Variants in SERGEF observed in about 807,000 individuals in gnomAD.
SERGEF encodes secretion-regulating guanine nucleotide exchange factor.
In SERGEF, 51 loss-of-function variants were observed where a neutral mutation model predicts 50.0. That is an observed-to-expected ratio of 1.02 (90% CI 0.81 to 1.29). The LOEUF is 1.29. SERGEF is among the 50% of genes most tolerant of loss of function. The probability of loss-of-function intolerance (pLI) is 0.00; values close to 1 mark genes in which losing one functional copy is unlikely to be tolerated. For missense variants in SERGEF, 521 were observed against 557.0 expected (o/e 0.94, Z 0.65); for synonymous variants, 205 against 212.4 (o/e 0.97, Z 0.30).
rs1852949439 is a variant in SERGEF, at chr11:17,959,532, G to A, written c.949C>T (p.Pro317Ser). The change falls in exon 9 of 11, where the codon CCC (proline) becomes TCC (serine). Residue 317 changes from proline to serine, a missense_variant. Coordinates refer to ENST00000265965, the MANE Select transcript of SERGEF (RefSeq NM_012139.4). ...WKLEKQDSFL[P>S]CSRPPNSMPS... ...ATGCTGTTCGGTGGTCTTGAACAGGGGAGAAATGAATCTTGCTTTTCTAGT... is the reference window on the plus strand; with the variant it reads ...ATGCTGTTCGGTGGTCTTGAACAGGAGAGAAATGAATCTTGCTTTTCTAGT... 6.2e-7 allele frequency: 1 copy of A among 1,613,874 alleles called. No individual in the cohort carries two copies. Among genetic ancestry groups the A allele is most frequent in the African/African-American group, 1.3e-5 (1 of 74,876 alleles).
chr11:18,006,218 G>A (rs1854070589), intron 3 of SERGEF, among the ~76,000 whole-genome samples: 1 of 152,206 alleles, frequency 6.6e-6, no homozygotes, highest in Non-Finnish European at 1.5e-5. Flanking sequence ...GGGTGCAGTG[G>A]CGCAATCTCA....
chr11:17,923,665 T>A (rs1160360873), intron 9 of SERGEF, among the ~76,000 whole-genome samples: 2 of 152,188 alleles, frequency 1.3e-5, no homozygotes, highest in Non-Finnish European at 2.9e-5. Flanking sequence ...AAAAGGTGAC[T>A]GAGATTTTGA....
chr11:17,889,247 T>C (rs1851488394), intron 9 of SERGEF, among the ~76,000 whole-genome samples: 1 of 152,180 alleles, frequency 6.6e-6, no homozygotes, highest in East Asian at 1.9e-4. Context: ...ACAGATTACT[T>C]CTTAATTACA....
At chr11:17,970,917 G>A (rs750322679) in intron 8 of SERGEF, among the ~76,000 whole-genome samples, 3 of 152,118 alleles carry the variant, frequency 2.0e-5, no homozygotes, top group African/African-American at 4.8e-5. Flanking sequence ...CTGTAGGACC[G>A]GTCATGGTGG....
chr11:17,795,409 T>G (rs1356372867), intron 10 of SERGEF, among the ~76,000 whole-genome samples: 4 of 152,120 alleles, frequency 2.6e-5, no homozygotes, highest in Non-Finnish European at 5.9e-5. Flanking sequence ...GGGGATCAGG[T>G]CCTCACGTCC....
At position 17,884,474 on chromosome 11, in the gene SERGEF, G is replaced by A. The variant is rs896767320; in HGVS notation, c.1012-6230C>T. On this transcript the variant is annotated intron_variant, in intron 9 of 10. Coordinates refer to ENST00000265965, the MANE Select transcript of SERGEF (RefSeq NM_012139.4). The surrounding 1 kb of genome is among the most constrained non-coding windows in gnomAD (Gnocchi z 4.6). ...ACCCGGTTTCCATCCGTGTATCTCTGGGGTGACAACCAGAATTTCCAAACT... is the reference window on the plus strand; with the variant it reads ...ACCCGGTTTCCATCCGTGTATCTCTAGGGTGACAACCAGAATTTCCAAACT... Among the ~76,000 whole-genome samples, 2 of 152,168 alleles carry A rather than the reference G, an allele frequency of 1.3e-5. No homozygotes were observed. The highest frequency in any genetic ancestry group is 4.8e-5 in the African/African-American group (2 of 41,440).
chr11:17,843,133 CTG>C (rs1850535906), intron 10 of SERGEF, among the ~76,000 whole-genome samples: 1 of 152,214 alleles, frequency 6.6e-6, no homozygotes, highest in African/African-American at 2.4e-5. Context: ...AGTCTGAATT[CTG>C]ATATGCCCAG....
chr11:17,907,441 A>G (rs954435413), intron 9 of SERGEF, among the ~76,000 whole-genome samples: 5 of 152,242 alleles, frequency 3.3e-5, no homozygotes, highest in African/African-American at 1.2e-4. Flanking sequence ...CACCAATTGC[A>G]TTTCAATCTG....
chr11:17,885,865 G>A (rs1217170459), intron 9 of SERGEF, among the ~76,000 whole-genome samples: 2 of 152,082 alleles, frequency 1.3e-5, no homozygotes, highest in Admixed American at 1.3e-4. Context: ...AAAACCTGAG[G>A]CAGTCCCCCA....
intron 10 of SERGEF, among the ~76,000 whole-genome samples, chr11:17,850,051 G>A (rs868158797): frequency 2.6e-5 from 4 of 152,138 alleles, no homozygotes; most frequent in African/African-American, 9.7e-5. Flanking sequence ...CATGGTGCTG[G>A]TATCTAGTGA....
At chr11:17,903,701 G>A (rs952648107) in intron 9 of SERGEF, among the ~76,000 whole-genome samples, 22 of 152,136 alleles carry the variant, frequency 1.4e-4, no homozygotes, top group African/African-American at 4.8e-5. Flanking sequence ...GTTAAAACAC[G>A]GGGAGAGATA....
intron 5 of SERGEF, among the ~76,000 whole-genome samples, chr11:17,998,124 C>A (rs1020571121): frequency 6.6e-6 from 1 of 151,904 alleles, no homozygotes; most frequent in Non-Finnish European, 1.5e-5. Flanking sequence ...ATGTAGACCT[C>A]ATTCAGGCTG....
intron 10 of SERGEF, among the ~76,000 whole-genome samples, chr11:17,875,121 C>T (rs748165095): frequency 6.6e-6 from 1 of 152,312 alleles, no homozygotes; most frequent in African/African-American, 2.4e-5. Flanking sequence ...AATCTGGATC[C>T]AGGCAATCTG....
intron 9 of SERGEF, among the ~76,000 whole-genome samples, chr11:17,947,627 C>A (rs1339689276): frequency 6.6e-6 from 1 of 152,116 alleles, no homozygotes; most frequent in Admixed American, 6.5e-5. Flanking sequence ...GGGGTGAGCA[C>A]CAAGCCACAG....
chr11:17,947,333 A>T (rs1262485696), intron 9 of SERGEF, among the ~76,000 whole-genome samples: 1 of 152,220 alleles, frequency 6.6e-6, no homozygotes, highest in Non-Finnish European at 1.5e-5. Context: ...ATGTGCAGGT[A>T]AGGGGGCTAG....
At chr11:17,931,950 T>G (rs942007486) in intron 9 of SERGEF, among the ~76,000 whole-genome samples, 2 of 152,168 alleles carry the variant, frequency 1.3e-5, no homozygotes, top group African/African-American at 2.4e-5. Context: ...TGCTGCATGT[T>G]TGCAGTAAAA....
chr11:17,945,176 A>G (rs901191538), intron 9 of SERGEF, among the ~76,000 whole-genome samples: 1 of 152,284 alleles, frequency 6.6e-6, no homozygotes, highest in African/African-American at 2.4e-5. Context: ...AAAAACATAC[A>G]TAGCACAAAC....
chr11:17,851,122 GTA>G (rs1303124196), intron 10 of SERGEF, among the ~76,000 whole-genome samples: 1 of 152,160 alleles, frequency 6.6e-6, no homozygotes, highest in East Asian at 1.9e-4. Flanking sequence ...CAATTACTAT[GTA>G]TATATCTGTA....
chr11:17,971,108 C>T (rs980871490), intron 8 of SERGEF, among the ~76,000 whole-genome samples: 70 of 151,964 alleles, frequency 4.6e-4, no homozygotes, highest in African/African-American at 1.6e-3. Flanking sequence ...GCAGGAGAAT[C>T]GCTTGAACCC....
Sources: gnomAD v4.1 joint callset for allele counts (sites outside exome capture counted in the v4.1 genomes callset) on GRCh38, gnomAD v4.1.1 for gene constraint, Gnocchi (gnomAD v3.1) non-coding constraint, MANE v1.5 for transcripts, NCBI Gene and HGNC (gene_info 2026-07-23, HGNC 2026-07-21) for gene names.